The following SLC8A1 variants were observed in gnomAD, a reference collection of about 807,000 sequenced individuals.
The protein encoded by SLC8A1 is sodium/calcium exchanger 1.
In SLC8A1, 18 loss-of-function variants were observed where a neutral mutation model predicts 68.3. The observed-to-expected ratio is 0.26, with a 90% CI of 0.18 to 0.39. The LOEUF (loss-of-function observed/expected upper bound fraction) is 0.39, where lower values mean the gene tolerates loss of function less well. Ranked by LOEUF, SLC8A1 falls within the 10% of genes least tolerant of loss-of-function variation. The pLI is 1.00. For synonymous variants in SLC8A1, 475 were observed against 415.5 expected (o/e 1.14, Z -1.74); for missense variants, 985 against 1,156.7 (o/e 0.85, Z 2.15).
At chr2:40,323,883 G>C (rs900747063) in intron 2 of SLC8A1, among the ~76,000 whole-genome samples, 5 of 152,066 alleles carry the variant, frequency 3.3e-5, no homozygotes, top group African/African-American at 1.2e-4. Flanking sequence ...TATGAGAAAG[G>C]TGTTTCAGGA....
chr2:40,463,994 T>C (rs528711929), intron 1 of SLC8A1, among the ~76,000 whole-genome samples: 1 of 152,092 alleles, frequency 6.6e-6, no homozygotes, highest in Non-Finnish European at 1.5e-5. Flanking sequence ...TCCCAGGTTC[T>C]AGCAATTCTC....
At chr2:40,315,405 G>A (rs1477469232) in intron 2 of SLC8A1, among the ~76,000 whole-genome samples, 1 of 150,732 alleles carries the variant, frequency 6.6e-6, no homozygotes, top group Non-Finnish European at 1.5e-5. Flanking sequence ...AGATTAGAGT[G>A]AGTAAGGTAA....
At chr2:40,343,894 G>C (rs939364322) in intron 2 of SLC8A1, among the ~76,000 whole-genome samples, 1 of 152,076 alleles carries the variant, frequency 6.6e-6, no homozygotes, top group South Asian at 2.1e-4. Flanking sequence ...TTTTATAATA[G>C]AATTTTTAAG....
At chr2:40,143,536 C>A (rs966660820) in intron 6 of SLC8A1, among the ~76,000 whole-genome samples, 8 of 152,132 alleles carry the variant, frequency 5.3e-5, no homozygotes, top group Non-Finnish European at 1.2e-4. Context: ...TGGAAAATAA[C>A]CTGTATTTGA....
rs150202576 is a variant in SLC8A1 at position 40,157,989 on chromosome 2, G to T, written c.2161+2776C>A. On this transcript the variant is annotated intron_variant, in intron 6 of 7. Coordinates refer to ENST00000406785, the Ensembl canonical transcript of SLC8A1. The stretch of plus-strand genomic sequence containing the variant: ...AGAGGGACAAGAAGATTGCCACAGG[G>T]TTGACTTTGAAACCAGTTTGAATAC... Among the ~76,000 whole-genome samples, 675 of 152,278 alleles carry T rather than the reference G, an allele frequency of 4.4e-3. 16 individuals carry two copies. The highest frequency in any genetic ancestry group is 9.0e-3 in the Admixed American group (137 of 15,302).
intron 2 of SLC8A1, among the ~76,000 whole-genome samples, chr2:40,411,123 G>C (rs776071445): frequency 1.3e-5 from 2 of 151,998 alleles, no homozygotes; most frequent in African/African-American, 4.8e-5. Flanking sequence ...ATGCCATTAG[G>C]AACTTTGAAA....
chr2:40,230,365 C>G (rs2059497336), intron 2 of SLC8A1, among the ~76,000 whole-genome samples: 1 of 152,158 alleles, frequency 6.6e-6, no homozygotes, highest in South Asian at 2.1e-4. Flanking sequence ...GTTACCTTCA[C>G]TACCTCATTC....
At chr2:40,167,564 C>G (rs1283701104) in intron 4 of SLC8A1, among the ~76,000 whole-genome samples, 1 of 152,104 alleles carries the variant, frequency 6.6e-6, no homozygotes, top group Admixed American at 6.5e-5. Flanking sequence ...TCATACTAAC[C>G]TAAAAAACAG....
At chr2:40,462,362 A>G (rs566418014) in intron 1 of SLC8A1, among the ~76,000 whole-genome samples, 44 of 152,134 alleles carry the variant, frequency 2.9e-4, no homozygotes, top group African/African-American at 1.1e-3. Context: ...TTAATCAACT[A>G]TAACTAAATA....
chr2:40,194,747 T>C (rs2052627748), intron 2 of SLC8A1, among the ~76,000 whole-genome samples: 1 of 146,402 alleles, frequency 6.8e-6, no homozygotes, highest in African/African-American at 2.6e-5. Context: ...GTAGCAGCAA[T>C]TATGTCATAT....
intron 2 of SLC8A1, among the ~76,000 whole-genome samples, chr2:40,427,484 T>C (rs1468465096): frequency 6.6e-6 from 1 of 152,062 alleles, no homozygotes; most frequent in Admixed American, 6.6e-5. Flanking sequence ...GAAGATATTA[T>C]AGTCAGCCTC....
intron 2 of SLC8A1, among the ~76,000 whole-genome samples, chr2:40,214,389 C>T (rs2057116765): frequency 6.6e-6 from 1 of 152,002 alleles, no homozygotes; most frequent in African/African-American, 2.4e-5. Flanking sequence ...GCTTTCCAGG[C>T]CCCGTGTTCA....
At chr2:40,454,754 G>T (rs944811602), upstream of SLC8A1, among the ~76,000 whole-genome samples, 1 of 151,984 alleles carries the variant, frequency 6.6e-6, no homozygotes, top group African/African-American at 2.4e-5. Flanking sequence ...ATGGTTCCAG[G>T]GCCCCAAGGC....
chr2:40,325,203 T>A (rs1481523920), intron 2 of SLC8A1, among the ~76,000 whole-genome samples: 2 of 152,200 alleles, frequency 1.3e-5, no homozygotes, highest in East Asian at 3.8e-4. Flanking sequence ...GTTTTCCTTG[T>A]GAGGCTTCAG....
At chr2:40,175,960 G>A (rs1216520676) in intron 3 of SLC8A1, 1 of 448,610 alleles carries the variant, frequency 2.2e-6, no homozygotes, top group Non-Finnish European at 4.5e-6. Flanking sequence ...TGTGACTTCT[G>A]TACATTATTA....
intron 1 of SLC8A1, among the ~76,000 whole-genome samples, chr2:40,463,252 C>T (rs915128907): frequency 3.7e-4 from 56 of 152,112 alleles, no homozygotes; most frequent in East Asian, 1.9e-4. Flanking sequence ...AAAGCAGCTT[C>T]GGACACAAAG....
intron 2 of SLC8A1, among the ~76,000 whole-genome samples, chr2:40,267,872 C>T (rs1006539999): frequency 1.3e-5 from 2 of 152,058 alleles, no homozygotes; most frequent in Non-Finnish European, 1.5e-5. Flanking sequence ...CAGTCAGGGC[C>T]CCTCCCACAT....
intron 2 of SLC8A1, among the ~76,000 whole-genome samples, chr2:40,221,084 A>G (rs2058267982): frequency 1.3e-5 from 2 of 152,186 alleles, no homozygotes; most frequent in South Asian, 2.1e-4. Context: ...AACAAAAAAG[A>G]AAATTTCAGG....
At chr2:40,222,981 C>G (rs2058529992) in intron 2 of SLC8A1, among the ~76,000 whole-genome samples, 1 of 152,114 alleles carries the variant, frequency 6.6e-6, no homozygotes, top group African/African-American at 2.4e-5. Context: ...GGATCTAGAA[C>G]TAGAAATGTC....
Sources: gnomAD v4.1 joint callset for allele counts (sites outside exome capture counted in the v4.1 genomes callset) on GRCh38, gnomAD v4.1.1 for gene constraint, MANE v1.5 for transcripts, NCBI Gene and HGNC (gene_info 2026-07-23, HGNC 2026-07-21) for gene names.